Variants in OPCML observed in about 807,000 individuals in gnomAD.
OPCML encodes the protein opioid-binding protein/cell adhesion molecule.
In OPCML, 13 loss-of-function variants were observed where a neutral mutation model predicts 37.8. That is an observed-to-expected ratio of 0.34 (90% confidence interval 0.22 to 0.55). The LOEUF is 0.55. Ranked by LOEUF, OPCML falls within the 20% of genes least tolerant of loss-of-function variation. OPCML has a pLI of 0.91. For missense variants in OPCML, 341 were observed against 435.6 expected (o/e 0.78, Z 1.93); for synonymous variants, 176 against 168.8 (o/e 1.04, Z -0.33).
In OPCML at chr11:133,211,574, G is replaced by A. The variant is rs752522811; in HGVS notation, c.62-268564C>T. Among the ~76,000 whole-genome samples the A allele has an allele frequency of 6.6e-6, 1 of 152,142 alleles. No individual in the cohort carries two copies. Among genetic ancestry groups the A allele is most frequent in the African/African-American group, 2.4e-5 (1 of 41,442 alleles). On this transcript the variant is annotated intron_variant, in intron 1 of 7. Transcript: ENST00000524381. The surrounding 1 kb of genome is among the most constrained non-coding windows in gnomAD (Gnocchi z 4.1). Reference sequence around the variant, plus strand: ...CCGAAGGTTCTGTAACTATGCTTTGGCATCAACAGTGGAACATGGTTTCCT... The same window carrying A: ...CCGAAGGTTCTGTAACTATGCTTTGACATCAACAGTGGAACATGGTTTCCT...
chr11:132,651,333 A>G (rs1403755743), intron 3 of OPCML, among the ~76,000 whole-genome samples: 1 of 152,202 alleles, frequency 6.6e-6, no homozygotes, highest in Non-Finnish European at 1.5e-5. Flanking sequence ...TGGTCTTGGA[A>G]AGGTGTGCCT....
intron 1 of OPCML, among the ~76,000 whole-genome samples, chr11:133,401,915 T>A (rs927644248): frequency 3.9e-5 from 6 of 152,190 alleles, no homozygotes; most frequent in African/African-American, 1.4e-4. Flanking sequence ...GAGTTCTCAG[T>A]GCAGCAGCCA....
At chr11:133,227,823 TC>T (rs1244947863) in intron 1 of OPCML, among the ~76,000 whole-genome samples, 1 of 151,908 alleles carries the variant, frequency 6.6e-6, no homozygotes, top group Non-Finnish European at 1.5e-5. Context: ...CTCCTAGGGG[TC>T]CCAGCAAAGA....
chr11:133,094,520 T>G (rs79920579), intron 1 of OPCML, among the ~76,000 whole-genome samples: 2,301 of 152,260 alleles, frequency 0.015, 52 homozygotes, highest in African/African-American at 0.051. Flanking sequence ...AGGTGACAAA[T>G]GGTATTACTG....
intron 2 of OPCML, among the ~76,000 whole-genome samples, chr11:132,701,112 A>G (rs1410021852): frequency 6.6e-6 from 1 of 152,226 alleles, no homozygotes; most frequent in Non-Finnish European, 1.5e-5. Context: ...TATAAAGGAA[A>G]GAGGTTTAAT....
At chr11:133,225,575 C>T (rs934516491) in intron 1 of OPCML, among the ~76,000 whole-genome samples, 1 of 152,218 alleles carries the variant, frequency 6.6e-6, no homozygotes, top group South Asian at 2.1e-4. Flanking sequence ...GCTGCCATGA[C>T]TGGCCACAAT....
At chr11:133,121,138 C>G (rs1012248808) in intron 1 of OPCML, among the ~76,000 whole-genome samples, 7 of 152,238 alleles carry the variant, frequency 4.6e-5, no homozygotes, top group African/African-American at 1.7e-4. Context: ...AGGATGGTCT[C>G]AAACTCCTGA....
chr11:132,779,827 T>G (rs1946938275), intron 2 of OPCML, among the ~76,000 whole-genome samples: 1 of 152,222 alleles, frequency 6.6e-6, no homozygotes, highest in African/African-American at 2.4e-5. Flanking sequence ...TAGATTAAGA[T>G]TTGTTTAATG....
intron 2 of OPCML, among the ~76,000 whole-genome samples, chr11:132,731,944 G>A (rs1404205124): frequency 1.3e-5 from 2 of 152,162 alleles, no homozygotes; most frequent in African/African-American, 4.8e-5. Context: ...ATTACAGGGT[G>A]TGATCATATT....
chr11:132,977,433 T>A (rs1325157658), intron 1 of OPCML, among the ~76,000 whole-genome samples: 1 of 152,206 alleles, frequency 6.6e-6, no homozygotes, highest in Non-Finnish European at 1.5e-5. Context: ...CCAGCTTCCC[T>A]CTAGATTTAG....
intron 3 of OPCML, among the ~76,000 whole-genome samples, chr11:132,530,423 C>T (rs1307969016): frequency 4.6e-5 from 7 of 152,184 alleles, no homozygotes; most frequent in South Asian, 4.2e-4. Context: ...AGCCTCCCAC[C>T]GTGAACCTTC....
At chr11:132,552,595 T>A (rs913693857) in intron 3 of OPCML, among the ~76,000 whole-genome samples, 8 of 152,154 alleles carry the variant, frequency 5.3e-5, no homozygotes, top group Non-Finnish European at 1.2e-4. Flanking sequence ...TAACCTTCAG[T>A]ATTCCTAAAC....
At chr11:132,832,911 A>T (rs1940781146) in intron 2 of OPCML, among the ~76,000 whole-genome samples, 1 of 151,478 alleles carries the variant, frequency 6.6e-6, no homozygotes, top group Admixed American at 6.6e-5. Context: ...ACAGTAAAAA[A>T]TGTGATAAAA....
chr11:132,432,611 C>T (rs2096000979), intron 7 of OPCML, among the ~76,000 whole-genome samples: 1 of 152,144 alleles, frequency 6.6e-6, no homozygotes, highest in Non-Finnish European at 1.5e-5. Flanking sequence ...TGGCTGTGAC[C>T]AATACGTCCT....
chr11:133,381,262 G>T (rs149216444), intron 1 of OPCML, among the ~76,000 whole-genome samples: 224 of 152,354 alleles, frequency 1.5e-3, no homozygotes, highest in African/African-American at 5.1e-3. Context: ...GAGGAAACTG[G>T]CAGGGACACT....
intron 1 of OPCML, among the ~76,000 whole-genome samples, chr11:133,085,263 G>A (rs1171238774): frequency 2.6e-5 from 4 of 152,210 alleles, no homozygotes; most frequent in African/African-American, 7.2e-5. Context: ...GGGATTGACA[G>A]AGTTCACACC....
chr11:133,232,311 A>G (rs188216692), intron 1 of OPCML, among the ~76,000 whole-genome samples: 1 of 152,314 alleles, frequency 6.6e-6, no homozygotes, highest in Admixed American at 6.5e-5. Flanking sequence ...CAGAGTTTAG[A>G]CTGAGGTCTA....
intron 2 of OPCML, among the ~76,000 whole-genome samples, chr11:132,940,089 T>G (rs1375832398): frequency 6.6e-6 from 1 of 152,228 alleles, no homozygotes; most frequent in Admixed American, 6.5e-5. Context: ...TCATCCACGT[T>G]CAAAGCTTCA....
chr11:132,715,659 C>T lies in OPCML; in HGVS notation c.147-58340G>A, dbSNP rs545026221. 9.8e-5 allele frequency among the ~76,000 whole-genome samples: 15 copies of T among 152,322 alleles called. No individual in the cohort carries two copies. The East Asian group carries it at 2.9e-3, about 29-fold the overall frequency. ...ATGTGAGGTTACAATGAGAAGATGG[C>T]CGTCTGCAACCTGGAAGGGTGTCCT... On this transcript the variant is annotated intron_variant, in intron 2 of 7. Transcript: ENST00000524381.
Sources: gnomAD v4.1 joint callset for allele counts (sites outside exome capture counted in the v4.1 genomes callset) on GRCh38, gnomAD v4.1.1 for gene constraint, Gnocchi (gnomAD v3.1) non-coding constraint, MANE v1.5 for transcripts, NCBI Gene and HGNC (gene_info 2026-07-23, HGNC 2026-07-21) for gene names.